The following MED17 variants were observed in gnomAD, a reference collection of about 807,000 sequenced individuals.
MED17 encodes the protein mediator complex subunit 17, also known as mediator of RNA polymerase II transcription subunit 17.
A neutral mutation model predicts 80.8 loss-of-function variants in MED17; 49 were observed. That is an observed-to-expected ratio of 0.61 (90% CI 0.48 to 0.77). MED17 has a LOEUF of 0.77. Among genes scored for constraint, MED17 ranks in the 30% least tolerant of loss-of-function variants. MED17 has a pLI of 0.00. For missense variants in MED17, 718 were observed against 787.0 expected (o/e 0.91, Z 1.05); for synonymous variants, 281 against 280.4 (o/e 1.00, Z -0.02).
chr11:93,787,098 C>T (rs1476793121), intron 1 of MED17, among the ~76,000 whole-genome samples: 1 of 151,964 alleles, frequency 6.6e-6, no homozygotes, highest in African/African-American at 2.4e-5. Context: ...TATGTAAGTG[C>T]ATAGAAAAAC....
chr11:93,788,121 T>G lies in MED17; in HGVS notation c.371T>G (p.Phe124Cys), dbSNP rs747325343. The change falls in exon 2 of 12, where the codon TTT becomes TGT. Residue 124 changes from phenylalanine (F) to cysteine (C), a missense_variant. Physicochemically the swap from Phe to Cys is radical, Grantham distance 205 (BLOSUM62 -2). Transcript: ENST00000251871. ...CTCAGTATTGTTAGGGATAAAAAAT[T>G]TATGACTCTTGATCCTGTCTCTCAG... is the stretch of plus-strand genomic sequence containing the variant. ...DVLSIVRDKKFMTLDPVSQDA... is the reference protein window; with the variant it reads ...DVLSIVRDKKCMTLDPVSQDA... The G allele has an allele frequency of 4.3e-6, 7 of 1,613,660 alleles. No individual in the cohort carries two copies. Among genetic ancestry groups the G allele is most frequent in the South Asian group, 3.3e-5 (3 of 91,068 alleles).
chr11:93,795,336 A>G lies in MED17; in HGVS notation c.1012+276A>G, dbSNP rs1404572327. 8.6e-6 allele frequency: 4 copies of G among 464,636 alleles called. No homozygotes were observed. In the Admixed American group the frequency reaches 1.5e-4, roughly 17 times the overall value. The allele number at this position is 464,636 out of a possible 1,614,324, so 28.8% of individuals were successfully genotyped here. A position where few individuals can be genotyped will look rare whatever the true frequency, so the allele number is the denominator to read the frequency against. Reference sequence around the variant, plus strand: ...AAGAGAAAAGAAAATTTGCACTAGCATAGCTATAGTTATTTAGCAACAGTT... The same window carrying G: ...AAGAGAAAAGAAAATTTGCACTAGCGTAGCTATAGTTATTTAGCAACAGTT... On this transcript the variant is annotated intron_variant, in intron 6 of 11. Coordinates refer to ENST00000251871, the MANE Select transcript of MED17 (RefSeq NM_004268.5).
At chr11:93,784,901 T>C in intron 1 of MED17, 138 bp downstream of exon 1, 1 of 1,246,222 alleles carries the variant, frequency 8.0e-7, no homozygotes, top group Non-Finnish European at 1.1e-6. Context: ...GTAAGGATAC[T>C]TGGTCGTCAT....
Position 93,811,915 on chromosome 11 carries a change from G to C in MED17, c.1807G>C (p.Asp603His). ...TCAGTTTCCTCGTAACCAATGTAAA[G>C]ACCTTCCAAAAAGTGATGTTTTACA... ...MVQFPRNQCK[D>H]LPKSDVLQDN... The change falls in exon 12 of 12, where the codon GAC (aspartate) becomes CAC (histidine). Residue 603 changes from aspartate (D) to histidine (H), a missense_variant. Transcript: ENST00000251871. 1.2e-6 allele frequency: 2 copies of C among 1,614,026 alleles called. No individual in the cohort carries two copies. Among genetic ancestry groups the C allele is most frequent in the Non-Finnish European group, 1.7e-6 (2 of 1,179,964 alleles).
rs1943751200 is a variant in MED17 at position 93,784,753 on chromosome 11, C to T, written c.240C>T (p.Asp80=). ...GCGCCGGGTCCAGCGCAGACCAGGA[C>T]GACGAGGAAGGTAAGGCCTGCATCC... is the stretch of plus-strand genomic sequence containing the variant. ...WPGAGSSADQ[D]DEEGVVKFQP... Residue 80 remains aspartate (D), a synonymous_variant, in exon 1 of 12, where the codon GAC becomes GAT. Transcript: ENST00000251871. 7.8e-6 allele frequency: 12 copies of T among 1,540,394 alleles called. No individual in the cohort carries two copies. Among genetic ancestry groups the T allele is most frequent in the Non-Finnish European group, 9.6e-6 (11 of 1,148,090 alleles).
Position 93,784,393 on chromosome 11 carries a change from T to C in MED17, c.-121T>C. 1 of 1,302,194 alleles carries C rather than the reference T, an allele frequency of 7.7e-7. No individual in the cohort carries two copies. The highest frequency in any genetic ancestry group is 1.5e-5 in the African/African-American group (1 of 68,012). The allele number at this position is 1,302,194 out of a possible 1,614,324, so 80.7% of individuals were successfully genotyped here. On this transcript the variant is annotated 5_prime_UTR_variant, in exon 1 of 12. Coordinates refer to ENST00000251871, the MANE Select transcript of MED17 (RefSeq NM_004268.5). ...AGCGTTGCGTTCGGTTTCCCGAGGG[T>C]CTTCTGAGGCACCGCGGCTGCGGGC...
rs114357761 is a variant in MED17, at chr11:93,799,894, G to A, written c.1329-1941G>A. On this transcript the variant is annotated intron_variant, in intron 8 of 11. Transcript: ENST00000251871. ...GTGTGTGTGTCTTTAAAGAAAAATC[G>A]GAGTTTATAAAATTTTATATCCTTC... Among the ~76,000 whole-genome samples, 955 of 152,188 alleles carry A rather than the reference G, an allele frequency of 6.3e-3. 10 individuals are homozygous for A. The highest frequency in any genetic ancestry group is 0.022 in the African/African-American group (927 of 41,530).
chr11:93,794,884 A>T (rs768769792), intron 5 of MED17, 24 bp from the exon 6 acceptor site: 1 of 1,611,820 alleles, frequency 6.2e-7, no homozygotes, highest in Non-Finnish European at 8.5e-7. Context: ...TAGATAATTG[A>T]TACATATATT....
In MED17 at chr11:93,801,845, A is replaced by G; in HGVS notation, c.1339A>G (p.Thr447Ala). 2 of 1,613,430 alleles carry G rather than the reference A, an allele frequency of 1.2e-6. No homozygotes were observed. The highest frequency in any genetic ancestry group is 2.2e-5 in the East Asian group (1 of 44,846). ...TCTTGTATTTAAAAGAGCTGCTGCA[A>G]CCATTGACAGCTTAGCAAGCCGAAT... is the stretch of plus-strand genomic sequence containing the variant. ...HIFLRSRAAA[T>A]IDSLASRIED... The change falls in exon 9 of 12, where the codon ACC (threonine) becomes GCC (alanine). Residue 447 changes from threonine to alanine, a missense_variant. By Grantham distance (58) the Thr-to-Ala change is moderately conservative. Transcript: ENST00000251871.
chr11:93,788,923 T>TTA (rs1943802078), intron 2 of MED17: 2 of 152,094 alleles, frequency 1.3e-5, no homozygotes, highest in African/African-American at 4.8e-5. Context: ...CCTTTTTTTT[T>TTA]AAGGGATGGA....
intron 8 of MED17, among the ~76,000 whole-genome samples, chr11:93,799,952 A>G (rs1943944746): frequency 6.6e-6 from 1 of 152,188 alleles, no homozygotes. Flanking sequence ...CACCAAAACA[A>G]ACAAATTTTT....
In MED17 at chr11:93,791,529, ACTT is replaced by A. The variant is rs1480938312; in HGVS notation, c.637+738_637+740del. ...ATACCAGCCTGGGCAACATGGCAAAACTTCATCTCTACAAAAAATACAAAAATT... is the reference window on the plus strand; with the variant it reads ...ATACCAGCCTGGGCAACATGGCAAAACATCTCTACAAAAAATACAAAAATT... On this transcript the variant is annotated intron_variant, in intron 3 of 11. Transcript: ENST00000251871. Among the ~76,000 whole-genome samples, 3 of 152,136 alleles carry A rather than the reference ACTT, an allele frequency of 2.0e-5. No individual in the cohort carries two copies. The East Asian group carries it at 5.8e-4, about 29-fold the overall frequency.
rs763029562 is a variant in MED17 at position 93,801,900 on chromosome 11, C to T, written c.1394C>T (p.Ser465Leu). 1 of 1,611,716 alleles carries T rather than the reference C, an allele frequency of 6.2e-7. No homozygotes were observed. Among genetic ancestry groups the T allele is most frequent in the Non-Finnish European group, 8.5e-7 (1 of 1,178,316 alleles). Reference sequence around the variant, plus strand: ...GATCCTCAGATACAGGCTCATTGGTCAAATATCAATGATGTTTATGAATCT... The same window carrying T: ...GATCCTCAGATACAGGCTCATTGGTTAAATATCAATGATGTTTATGAATCT... ...IEDPQIQAHWSNINDVYESSV... is the reference protein window; with the variant it reads ...IEDPQIQAHWLNINDVYESSV... Residue 465 changes from serine to leucine, a missense_variant, in exon 9 of 12, where the codon TCA (serine) becomes TTA (leucine). By Grantham distance (145) the Ser-to-Leu change is moderately radical. Coordinates refer to ENST00000251871, the MANE Select transcript of MED17 (RefSeq NM_004268.5).
chr11:93,799,147 G>T (rs1366817294), intron 8 of MED17, among the ~76,000 whole-genome samples: 2 of 151,872 alleles, frequency 1.3e-5, no homozygotes, highest in African/African-American at 4.8e-5. Context: ...ACCAGCCTGG[G>T]CAACATAGTG....
intron 6 of MED17, chr11:93,796,022 A>T (rs1422883075): frequency 7.8e-6 from 2 of 254,962 alleles, no homozygotes; most frequent in Non-Finnish European, 1.5e-5. Context: ...ATCTTGGCTC[A>T]CTGCAACCTG....
intron 6 of MED17, 30 bp from the exon 7 acceptor site, chr11:93,796,380 T>G: frequency 6.3e-7 from 1 of 1,584,208 alleles, no homozygotes; most frequent in Non-Finnish European, 8.7e-7. Context: ...TCAGGTTATT[T>G]ACATATGTCC....
At chr11:93,801,175 G>T (rs1001771889) in intron 8 of MED17, 1 of 152,088 alleles carries the variant, frequency 6.6e-6, no homozygotes, top group Non-Finnish European at 1.5e-5. Context: ...AGTTTTTTCT[G>T]TTTAAAAAAT....
chr11:93,802,137 C>G (rs988047875), intron 9 of MED17, among the ~76,000 whole-genome samples, 165 bp downstream of exon 9: 1 of 151,568 alleles, frequency 6.6e-6, no homozygotes, highest in African/African-American at 2.4e-5. Context: ...TGGAGTCTCA[C>G]TCTTTTACCC....
In MED17 at chr11:93,813,524, T is replaced by TA. The variant is rs1246820501; in HGVS notation, c.*1461dup. ...AATTCCACTCACATAAGGAGTCTTT[T>TA]ATGTGATTTTGAAGGCTCAGGCTAG... On this transcript the variant is annotated 3_prime_UTR_variant, in exon 12 of 12. Transcript: ENST00000251871. The TA allele has an allele frequency of 2.0e-5, 3 of 152,208 alleles. No homozygotes were observed. Among genetic ancestry groups the TA allele is most frequent in the African/African-American group, 7.2e-5 (3 of 41,452 alleles). The allele number at this position is 152,208 out of a possible 1,614,324, so 9.4% of individuals were successfully genotyped here.
Sources: allele counts gnomAD v4.1 joint callset (sites outside exome capture counted in the v4.1 genomes callset), GRCh38; gene constraint gnomAD v4.1.1; transcripts MANE v1.5; gene names NCBI Gene and HGNC (gene_info 2026-07-23, HGNC 2026-07-21).